The following METTL3 variants were observed in gnomAD, a reference collection of about 807,000 sequenced individuals.
METTL3 encodes N(6)-adenosine-methyltransferase catalytic subunit METTL3.
A neutral mutation model predicts 64.3 loss-of-function variants in METTL3; 42 were observed. That is an observed-to-expected ratio of 0.65 (90% CI 0.51 to 0.84). METTL3 has a LOEUF of 0.84. Ranked by LOEUF, METTL3 falls within the 40% of genes least tolerant of loss-of-function variation. The probability of loss-of-function intolerance (pLI) is 0.00; values close to 1 mark genes in which losing one functional copy is unlikely to be tolerated. For synonymous variants in METTL3, 256 were observed against 263.6 expected, an observed-to-expected ratio of 0.97 and a Z score of 0.28; for missense variants, 435 against 722.3, an observed-to-expected ratio of 0.60 and a Z score of 4.56.
At chr14:21,501,581 G>A in intron 4 of METTL3, 147 bp downstream of exon 4, 1 of 994,278 alleles carries the variant, frequency 1.0e-6, no homozygotes, top group Non-Finnish European at 1.5e-6. Context: ...ATGCACTTCT[G>A]AAAGTACACC....
rs1891452644 is a variant in METTL3 at position 21,498,140 on chromosome 14, C to G, written c.*118G>C. The G allele has an allele frequency of 1.5e-6, 1 of 662,674 alleles. No individual in the cohort carries two copies. Among genetic ancestry groups the G allele is most frequent in the East Asian group, 2.7e-5 (1 of 36,998 alleles). The allele number at this position is 662,674 out of a possible 1,614,324, so 41.0% of individuals were successfully genotyped here. On this transcript the variant is annotated 3_prime_UTR_variant, in exon 11 of 11. Coordinates refer to ENST00000298717, the MANE Select transcript of METTL3 (RefSeq NM_019852.5). ...CAGAGCCAGAATGGACTTCAGAATCCCAACTACAATACAAATGTTTATTTA... is the reference window on the plus strand; with the variant it reads ...CAGAGCCAGAATGGACTTCAGAATCGCAACTACAATACAAATGTTTATTTA...
At chr14:21,498,650 A>G in intron 10 of METTL3, 1 of 505,380 alleles carries the variant, frequency 2.0e-6, no homozygotes, top group Non-Finnish European at 3.5e-6. Context: ...TTCTTTGGAT[A>G]AGCAAAATGC....
At chr14:21,500,892 G>A (rs1448266807) in intron 5 of METTL3, 21 bp downstream of exon 5, 7 of 1,605,242 alleles carry the variant, frequency 4.4e-6, no homozygotes, top group African/African-American at 1.3e-5. Flanking sequence ...GTTGAGACGA[G>A]TTTTCTGAGC....
In METTL3 at chr14:21,498,278, A is replaced by G; in HGVS notation, c.1723T>C (p.Ser575Pro). ...TGCTTCTATAAATTCTTAGGTTTAG[A>G]GATGATACCATCTGGGTACCTTTGC... is the stretch of plus-strand genomic sequence containing the variant. Reference protein sequence around the residue: ...FKQRYPDGIISKPKNL With the variant: ...FKQRYPDGIIPKPKNL The change falls in exon 11 of 11, where the codon TCT becomes CCT. Residue 575 changes from serine to proline, a missense_variant. Coordinates refer to ENST00000298717, the MANE Select transcript of METTL3 (RefSeq NM_019852.5). 6.2e-7 allele frequency: 1 copy of G among 1,604,238 alleles called. No homozygotes were observed. The highest frequency in any genetic ancestry group is 1.7e-4 in the Middle Eastern group (1 of 6,048).
chr14:21,501,991 G>A (rs1210864959), intron 3 of METTL3, 88 bp from the exon 4 acceptor site: 4 of 1,005,924 alleles, frequency 4.0e-6, no homozygotes, highest in African/African-American at 1.7e-5. Context: ...TGACATTAAT[G>A]TCTTCTAAGA....
At chr14:21,507,011 C>T (rs1891714079) in intron 1 of METTL3, among the ~76,000 whole-genome samples, 1 of 152,052 alleles carries the variant, frequency 6.6e-6, no homozygotes, top group Non-Finnish European at 1.5e-5. Flanking sequence ...GAACTCCTGA[C>T]CTCAGGTGAT....
intron 5 of METTL3, 46 bp from the exon 6 acceptor site, chr14:21,500,728 A>T (rs760584873): frequency 3.8e-6 from 6 of 1,566,436 alleles, no homozygotes; most frequent in Non-Finnish European, 1.7e-6. Context: ...TAACTCTGAG[A>T]TTCATGGCCC....
At position 21,501,708 on chromosome 14, in the gene METTL3, C is replaced by T. The variant is rs1891571824; in HGVS notation, c.899+20G>A. ...GCTGCTTCTGACAAACCCATCCCACCTCATTCCCTTCCAAGAGACCTGAAG... is the reference window on the plus strand; with the variant it reads ...GCTGCTTCTGACAAACCCATCCCACTTCATTCCCTTCCAAGAGACCTGAAG... On this transcript the variant is annotated intron_variant, in intron 4 of 10. Coordinates refer to ENST00000298717, the MANE Select transcript of METTL3 (RefSeq NM_019852.5). 1 of 1,614,178 alleles carries T rather than the reference C, an allele frequency of 6.2e-7. No individual in the cohort carries two copies. The highest frequency in any genetic ancestry group is 2.2e-5 in the East Asian group (1 of 44,894).
intron 1 of METTL3, among the ~76,000 whole-genome samples, chr14:21,506,883 T>C (rs1161915462): frequency 1.3e-5 from 2 of 151,998 alleles, no homozygotes; most frequent in African/African-American, 4.8e-5. Flanking sequence ...TACTAAAAAT[T>C]AGCCAGGCAA....
At chr14:21,500,254 C>T (rs1339370835) in intron 6 of METTL3, among the ~76,000 whole-genome samples, 1 of 152,064 alleles carries the variant, frequency 6.6e-6, no homozygotes, top group Non-Finnish European at 1.5e-5. Flanking sequence ...ATCCCAGCTA[C>T]TCAGGAGGCT....
Position 21,498,626 on chromosome 14 carries a change from G to C in METTL3, c.1632-257C>G, listed in dbSNP as rs931381708. ...TTAGCCAGGCCTGCTTCACAGAGTT[G>C]CTACCAGGGAGTATTCTTTGGATAA... is the stretch of plus-strand genomic sequence containing the variant. On this transcript the variant is annotated intron_variant, in intron 10 of 10. Transcript: ENST00000298717. 7 of 530,688 alleles carry C rather than the reference G, an allele frequency of 1.3e-5. No individual in the cohort carries two copies. In the African/African-American group the frequency reaches 1.3e-4, roughly 10 times the overall value. The allele number at this position is 530,688 out of a possible 1,614,324, so 32.9% of individuals were successfully genotyped here. A position where few individuals can be genotyped will look rare whatever the true frequency, so the allele number is the denominator to read the frequency against.
Position 21,499,549 on chromosome 14 carries a change from G to C in METTL3, c.1395C>G (p.Arg465=). ...GACCTGTACGGCCTGTCCGAATGAT[G>C]CGTTGCAGTTGATTTGTCTTCACCC... is the stretch of plus-strand genomic sequence containing the variant. ...IIWVKTNQLQ[R]IIRTGRTGHW... Residue 465 remains arginine (R), a synonymous_variant, in exon 8 of 11, where the codon CGC becomes CGG. Transcript: ENST00000298717. 1 of 1,614,176 alleles carries C rather than the reference G, an allele frequency of 6.2e-7. No homozygotes were observed.
intron 3 of METTL3, chr14:21,502,582 G>A (rs1490040798): frequency 6.5e-6 from 1 of 154,256 alleles, no homozygotes; most frequent in African/African-American, 2.4e-5. Context: ...AATTCTATAA[G>A]GCAGGATACG....
At chr14:21,500,363 A>C (rs1175558487) in intron 6 of METTL3, 132 bp downstream of exon 6, 2 of 289,568 alleles carry the variant, frequency 6.9e-6, no homozygotes, top group Non-Finnish European at 1.1e-5. Context: ...GACTCTCTCA[A>C]AAAAAAAGAA....
intron 1 of METTL3, chr14:21,510,781 A>G (rs1891814489): frequency 7.7e-6 from 2 of 258,206 alleles, no homozygotes; most frequent in African/African-American, 2.3e-5. Flanking sequence ...CAAAGCAGCA[A>G]CAAAAAGGGG....
intron 1 of METTL3, chr14:21,510,560 C>G (rs1891807998): frequency 6.6e-6 from 1 of 152,144 alleles, no homozygotes; most frequent in Non-Finnish European, 1.5e-5. Context: ...GTTTGGAAAC[C>G]AAACACAAAT....
At chr14:21,508,900 TAAATA>T (rs1891762531) in intron 1 of METTL3, among the ~76,000 whole-genome samples, 1 of 151,486 alleles carries the variant, frequency 6.6e-6, no homozygotes, top group African/African-American at 2.4e-5. Flanking sequence ...ATCTCAAAAA[TAAATA>T]AATAAGTATG....
At chr14:21,504,639 T>C (rs930333355) in intron 1 of METTL3, 2 of 152,244 alleles carry the variant, frequency 1.3e-5, no homozygotes, top group Admixed American at 6.5e-5. Context: ...TACTTAAATA[T>C]TTCCATTCTG....
intron 1 of METTL3, 99 bp downstream of exon 1, chr14:21,511,025 T>G: frequency 7.3e-7 from 1 of 1,364,368 alleles, no homozygotes; most frequent in Middle Eastern, 1.9e-4. Context: ...TTTATAGAAA[T>G]GGCCGTTTGG....
Sources: allele counts gnomAD v4.1 joint callset (sites outside exome capture counted in the v4.1 genomes callset), GRCh38; gene constraint gnomAD v4.1.1; transcripts MANE v1.5; gene names NCBI Gene and HGNC (gene_info 2026-07-23, HGNC 2026-07-21).